The following LUZP2 variants were observed in gnomAD, a reference collection of about 807,000 sequenced individuals.
The protein encoded by LUZP2 is leucine zipper protein 2.
In LUZP2, 52 loss-of-function variants were observed where a neutral mutation model predicts 51.6. The ratio of observed to expected loss-of-function variants is 1.01; its 90% CI spans 0.81 to 1.27. LUZP2 has a LOEUF of 1.27. LUZP2 is among the 50% of genes most tolerant of loss of function. The pLI, the probability that LUZP2 is intolerant of heterozygous loss-of-function variation, is 0.00. For synonymous variants in LUZP2, 154 were observed against 137.3 expected, an observed-to-expected ratio of 1.12 and a Z score of -0.85; for missense variants, 436 against 395.4, an observed-to-expected ratio of 1.10 and a Z score of -0.87.
At chr11:24,686,236 A>AAT (rs373777688) in intron 1 of LUZP2, among the ~76,000 whole-genome samples, 15 of 145,412 alleles carry the variant, frequency 1.0e-4, no homozygotes, top group African/African-American at 3.8e-4. Context: ...AAAAAAAAAA[A>AAT]TTGGCTAAGT....
intron 1 of LUZP2, among the ~76,000 whole-genome samples, chr11:24,676,784 C>T (rs143540290): frequency 0.011 from 1,717 of 152,162 alleles, 24 homozygotes; most frequent in South Asian, 0.033. Flanking sequence ...CTGCCTCAGC[C>T]TCCCAAGTAG....
At chr11:25,006,028 G>A (rs1856825982) in intron 9 of LUZP2, among the ~76,000 whole-genome samples, 1 of 152,088 alleles carries the variant, frequency 6.6e-6, no homozygotes, top group African/African-American at 2.4e-5. Context: ...ATATGAATAG[G>A]AAGGATACAA....
intron 1 of LUZP2, among the ~76,000 whole-genome samples, chr11:24,532,656 G>T (rs1047916651): frequency 6.6e-6 from 1 of 150,850 alleles, no homozygotes. Flanking sequence ...AGTATAAATT[G>T]CTTAGAAGGC....
At chr11:24,883,932 C>T (rs1365437951) in intron 5 of LUZP2, among the ~76,000 whole-genome samples, 2 of 151,918 alleles carry the variant, frequency 1.3e-5, no homozygotes, top group Non-Finnish European at 2.9e-5. Flanking sequence ...GAGGTCTGCT[C>T]TTAATTACTC....
chr11:24,636,339 A>G (rs1855105428), intron 1 of LUZP2, among the ~76,000 whole-genome samples: 1 of 152,142 alleles, frequency 6.6e-6, no homozygotes, highest in African/African-American at 2.4e-5. Context: ...ATTAAATATA[A>G]TCAACCTGGA....
chr11:24,513,875 A>G (rs919717174), intron 1 of LUZP2, among the ~76,000 whole-genome samples: 2 of 152,226 alleles, frequency 1.3e-5, no homozygotes, highest in African/African-American at 4.8e-5. Context: ...TGAAAAGTTG[A>G]CAGGCTGGGA....
chr11:24,766,129 T>C (rs1461500637), intron 5 of LUZP2, among the ~76,000 whole-genome samples: 3 of 152,152 alleles, frequency 2.0e-5, no homozygotes, highest in Non-Finnish European at 4.4e-5. Flanking sequence ...TGGGCACCAC[T>C]TTTAACCTCT....
At chr11:25,043,441 T>A (rs1275313305) in intron 9 of LUZP2, among the ~76,000 whole-genome samples, 1 of 151,414 alleles carries the variant, frequency 6.6e-6, no homozygotes, top group African/African-American at 2.4e-5. Context: ...TCATATTCAA[T>A]TTCTCCCTTC....
chr11:25,065,577 C>T (rs1858975169), intron 10 of LUZP2, among the ~76,000 whole-genome samples: 1 of 151,966 alleles, frequency 6.6e-6, no homozygotes, highest in South Asian at 2.1e-4. Flanking sequence ...ATTCCGTCAC[C>T]CACGGGGTTT....
chr11:24,558,791 G>C (rs1359179590), intron 1 of LUZP2, among the ~76,000 whole-genome samples: 4 of 152,098 alleles, frequency 2.6e-5, no homozygotes, highest in Non-Finnish European at 5.9e-5. Flanking sequence ...GACAGTGTTT[G>C]TCACTTTTGT....
At chr11:24,563,645 G>A (rs574184158) in intron 1 of LUZP2, among the ~76,000 whole-genome samples, 1 of 151,792 alleles carries the variant, frequency 6.6e-6, no homozygotes, top group South Asian at 2.1e-4. Context: ...TGGATTCCTG[G>A]TTGTTATTTT....
At chr11:24,654,384 A>C (rs1440074381) in intron 1 of LUZP2, among the ~76,000 whole-genome samples, 4 of 150,522 alleles carry the variant, frequency 2.7e-5, no homozygotes, top group Admixed American at 2.0e-4. Context: ...TTATTAAACA[A>C]ATTTTTTTTT....
At chr11:25,043,390 A>G (rs944885676) in intron 9 of LUZP2, among the ~76,000 whole-genome samples, 9 of 152,096 alleles carry the variant, frequency 5.9e-5, no homozygotes, top group African/African-American at 2.2e-4. Flanking sequence ...TAAATCATAC[A>G]TCTTCAAGCG....
intron 7 of LUZP2, among the ~76,000 whole-genome samples, chr11:24,931,641 G>C (rs767455046): frequency 6.6e-6 from 1 of 152,034 alleles, no homozygotes; most frequent in Non-Finnish European, 1.5e-5. Flanking sequence ...ACTTTTGTTT[G>C]TTTGTTTGTT....
At chr11:25,027,819 G>A (rs1195906182) in intron 9 of LUZP2, among the ~76,000 whole-genome samples, 44 of 149,308 alleles carry the variant, frequency 2.9e-4, no homozygotes, top group Non-Finnish European at 3.1e-4. Context: ...GCAGTGAGCT[G>A]AGATCACGCC....
chr11:24,624,365 T>C (rs1854606973), intron 1 of LUZP2, among the ~76,000 whole-genome samples: 1 of 151,834 alleles, frequency 6.6e-6, no homozygotes, highest in African/African-American at 2.4e-5. Flanking sequence ...AGAGGCAGAG[T>C]GAGAAAAATA....
chr11:24,986,551 G>GTGTGTGTGTGTGTT (rs58146703), intron 9 of LUZP2, among the ~76,000 whole-genome samples: 2,984 of 151,118 alleles, frequency 0.02, 44 homozygotes, highest in South Asian at 0.031. Flanking sequence ...GTGTGTGTGT[G>GTGTGTGTGTGTGTT]TGTGTGTGTG....
chr11:24,746,814 G>T (rs1859399631), intron 4 of LUZP2, among the ~76,000 whole-genome samples: 1 of 152,076 alleles, frequency 6.6e-6, no homozygotes, highest in Non-Finnish European at 1.5e-5. Context: ...TTGAACTCTG[G>T]ATTTCTTTCT....
intron 4 of LUZP2, among the ~76,000 whole-genome samples, chr11:24,750,019 T>C (rs1000293906): frequency 6.6e-6 from 1 of 152,194 alleles, no homozygotes; most frequent in Non-Finnish European, 1.5e-5. Flanking sequence ...TCTGTCCCTC[T>C]GGAGAACCCT....
Sources: allele counts gnomAD v4.1 joint callset (sites outside exome capture counted in the v4.1 genomes callset), GRCh38; gene constraint gnomAD v4.1.1; transcripts MANE v1.5; gene names NCBI Gene and HGNC (gene_info 2026-07-23, HGNC 2026-07-21).